FRY: variants seen among roughly 807,000 people sequenced by gnomAD.
FRY encodes the protein protein furry homolog.
A neutral mutation model predicts 348.4 loss-of-function variants in FRY; 128 were observed. The ratio of observed to expected loss-of-function variants is 0.37; its 90% CI spans 0.32 to 0.43. The LOEUF (loss-of-function observed/expected upper bound fraction) is 0.43. FRY is among the 20% of genes least tolerant of loss of function. The pLI, the probability that FRY is intolerant of heterozygous loss-of-function variation, is 1.00. For missense variants in FRY, 2,736 were observed against 3,695.2 expected (o/e 0.74, Z 6.73); for synonymous variants, 1,370 against 1,374.7 (o/e 1.00, Z 0.08).
At chr13:32,171,292 T>A (rs1566109459) in intron 18 of FRY, 22 bp downstream of exon 18, 2 of 1,235,582 alleles carry the variant, frequency 1.6e-6, no homozygotes, top group East Asian at 2.6e-5. Context: ...ACCTTACCCA[T>A]GAATTTATAT....
intron 22 of FRY, among the ~76,000 whole-genome samples, 175 bp from the exon 23 acceptor site, chr13:32,179,500 A>T (rs1882569030): frequency 3.2e-5 from 2 of 62,692 alleles, no homozygotes; most frequent in African/African-American, 1.3e-4. Flanking sequence ...TGCTGTATTA[A>T]ATTTGTGTGT....
At chr13:32,115,274 G>C (rs1878229320) in intron 3 of FRY, among the ~76,000 whole-genome samples, 1 of 152,166 alleles carries the variant, frequency 6.6e-6, no homozygotes, top group South Asian at 2.1e-4. Flanking sequence ...AGGAAGTGAA[G>C]CCCGGCCTGC....
At chr13:32,044,512 A>C (rs1872916007) in intron 1 of FRY, among the ~76,000 whole-genome samples, 1 of 152,244 alleles carries the variant, frequency 6.6e-6, no homozygotes, top group African/African-American at 2.4e-5. Flanking sequence ...AAATGCTAAT[A>C]AAGAAATAAG....
At chr13:32,176,862 A>C (rs1011562564) in intron 20 of FRY, among the ~76,000 whole-genome samples, 1 of 152,172 alleles carries the variant, frequency 6.6e-6, no homozygotes, top group African/African-American at 2.4e-5. Flanking sequence ...ATTCACTGAA[A>C]GATTTGGTGA....
chr13:32,152,130 A>T (rs2138149232), intron 14 of FRY, among the ~76,000 whole-genome samples: 1 of 152,338 alleles, frequency 6.6e-6, no homozygotes, highest in African/African-American at 2.4e-5. Context: ...GAAGAGAAAT[A>T]ACTGTAGATT....
intron 3 of FRY, among the ~76,000 whole-genome samples, chr13:32,105,810 T>C (rs1377690924): frequency 1.3e-5 from 2 of 152,142 alleles, no homozygotes; most frequent in Non-Finnish European, 2.9e-5. Context: ...TTCTTCTAAA[T>C]GTCACTGGCA....
At chr13:32,252,077 T>C in intron 50 of FRY, 125 bp downstream of exon 50, 1 of 745,774 alleles carries the variant, frequency 1.3e-6, no homozygotes, top group Non-Finnish European at 2.5e-6. Context: ...AGCCACCGTC[T>C]TGAGCAAACC....
intron 35 of FRY, 50 bp from the exon 36 acceptor site, chr13:32,218,699 G>T (rs201149016): frequency 2.6e-6 from 2 of 777,950 alleles, no homozygotes; most frequent in Admixed American, 2.2e-5. Flanking sequence ...AAAAAAAAGC[G>T]CATATGCACA....
rs978532912 is a variant in FRY, at chr13:32,297,655, A to G, written c.*2195A>G. 6.6e-6 allele frequency: 1 copy of G among 152,156 alleles called. No homozygotes were observed. Among genetic ancestry groups the G allele is most frequent in the Non-Finnish European group, 1.5e-5 (1 of 68,024 alleles). The allele number at this position is 152,156 out of a possible 1,614,324, so 9.4% of individuals were successfully genotyped here. A position where few individuals can be genotyped will look rare whatever the true frequency, so the allele number is the denominator to read the frequency against. On this transcript the variant is annotated 3_prime_UTR_variant, in exon 61 of 61. Transcript: ENST00000542859. ...TTTCCTCTATCTCTTCACCTCCTCT[A>G]CTTTAAGTGGAGATGGGAAAAATTG...
intron 11 of FRY, among the ~76,000 whole-genome samples, chr13:32,146,242 A>C (rs1880440210): frequency 6.6e-6 from 1 of 151,664 alleles, no homozygotes; most frequent in African/African-American, 2.4e-5. Context: ...CAGGCTCAGC[A>C]TAGTAGCTCA....
chr13:32,156,443 A>G (rs1388282210), intron 15 of FRY, among the ~76,000 whole-genome samples: 1 of 152,142 alleles, frequency 6.6e-6, no homozygotes, highest in Non-Finnish European at 1.5e-5. Flanking sequence ...CTCTACTAAA[A>G]ATACAAAATT....
At chr13:32,124,766 C>G (rs1878923025) in intron 6 of FRY, 29 bp from the exon 7 acceptor site, 1 of 1,564,868 alleles carries the variant, frequency 6.4e-7, no homozygotes, top group Admixed American at 1.7e-5. Context: ...ACCAGGGATC[C>G]CTAACTTGTC....
intron 57 of FRY, among the ~76,000 whole-genome samples, chr13:32,278,048 G>A (rs376264990): frequency 1.3e-4 from 20 of 152,300 alleles, no homozygotes; most frequent in East Asian, 7.7e-4. Context: ...TGCAGCCACC[G>A]CAGCATGACA....
In FRY at chr13:32,202,534, G is replaced by A; in HGVS notation, c.4018+7G>A. On this transcript the variant is annotated splice_region_variant and intron_variant, in intron 31 of 60. Coordinates refer to ENST00000542859, the MANE Select transcript of FRY (RefSeq NM_023037.3). ...ACACTCCCCCTCTTCTCAGGTACCAGGCAATAGTCAATAATGACATATGTG... is the reference window on the plus strand; with the variant it reads ...ACACTCCCCCTCTTCTCAGGTACCAAGCAATAGTCAATAATGACATATGTG... The A allele has an allele frequency of 6.2e-7, 1 of 1,606,532 alleles. No individual in the cohort carries two copies. Among genetic ancestry groups the A allele is most frequent in the Non-Finnish European group, 8.5e-7 (1 of 1,173,218 alleles).
chr13:32,217,327 C>T (rs1365577520), intron 35 of FRY, among the ~76,000 whole-genome samples: 1 of 152,032 alleles, frequency 6.6e-6, no homozygotes, highest in African/African-American at 2.4e-5. Context: ...TACCATTTTG[C>T]CCACACTGCC....
At chr13:32,286,492 A>G (rs1889059659) in intron 58 of FRY, among the ~76,000 whole-genome samples, 1 of 152,052 alleles carries the variant, frequency 6.6e-6, no homozygotes, top group African/African-American at 2.4e-5. Context: ...TCAGGCATGT[A>G]ATCCCAGCAC....
At chr13:32,073,919 G>T (rs1249541549) in intron 1 of FRY, among the ~76,000 whole-genome samples, 3 of 152,106 alleles carry the variant, frequency 2.0e-5, no homozygotes, top group African/African-American at 7.2e-5. Flanking sequence ...GTTTATATTG[G>T]TGCTACAGTT....
chr13:32,182,504 T>TCCAC (rs1882772600), intron 23 of FRY, among the ~76,000 whole-genome samples: 1 of 152,218 alleles, frequency 6.6e-6, no homozygotes, highest in Non-Finnish European at 1.5e-5. Context: ...AATGCAGCAC[T>TCCAC]GTGGTAATTG....
intron 32 of FRY, 63 bp downstream of exon 32, chr13:32,209,172 T>C: frequency 1.9e-6 from 3 of 1,576,826 alleles, no homozygotes; most frequent in Non-Finnish European, 1.7e-6. Context: ...AACCCTGGGT[T>C]AGTCAAACCC....
Sources: allele counts gnomAD v4.1 joint callset (sites outside exome capture counted in the v4.1 genomes callset), GRCh38; gene constraint gnomAD v4.1.1; transcripts MANE v1.5; gene names NCBI Gene and HGNC (gene_info 2026-07-23, HGNC 2026-07-21).